The following TECPR2 variants were observed in gnomAD, a reference collection of about 807,000 sequenced individuals.
The protein encoded by TECPR2 is tectonin beta-propeller repeat containing 2.
A neutral mutation model predicts 138.1 loss-of-function variants in TECPR2; 65 were observed. The ratio of observed to expected loss-of-function variants is 0.47; its 90% confidence interval spans 0.39 to 0.58. The LOEUF (loss-of-function observed/expected upper bound fraction) is 0.58. Among genes scored for constraint, TECPR2 ranks in the 20% least tolerant of loss-of-function variants. The pLI is 0.00. For missense variants in TECPR2, 1,553 were observed against 1,824.5 expected, an observed-to-expected ratio of 0.85 and a Z score of 2.71; for synonymous variants, 746 against 749.8, an observed-to-expected ratio of 0.99 and a Z score of 0.08.
At chr14:102,396,291 C>T (rs918179771) in intron 2 of TECPR2, among the ~76,000 whole-genome samples, 4 of 151,990 alleles carry the variant, frequency 2.6e-5, no homozygotes, top group East Asian at 1.9e-4. Flanking sequence ...TTAGTAGAGA[C>T]GGAGTTTCGC....
chr14:102,406,158 T>C (rs1043754546), intron 2 of TECPR2, among the ~76,000 whole-genome samples: 2 of 152,198 alleles, frequency 1.3e-5, no homozygotes, highest in Admixed American at 6.5e-5. Context: ...ATGGTGATGA[T>C]TGAAGAGCAT....
chr14:102,394,948 C>T (rs565800445), intron 2 of TECPR2, among the ~76,000 whole-genome samples: 2 of 152,328 alleles, frequency 1.3e-5, no homozygotes, highest in South Asian at 4.1e-4. Flanking sequence ...GCCCCACTCC[C>T]TCCTTCCGCC....
At chr14:102,413,386 TA>T (rs748281107) in intron 4 of TECPR2, among the ~76,000 whole-genome samples, 21 of 148,986 alleles carry the variant, frequency 1.4e-4, no homozygotes, top group Non-Finnish European at 2.5e-4. Context: ...TGTATATATA[TA>T]TATATTTTTT....
rs745855266 is a variant in TECPR2, at chr14:102,438,213, TC to T, written c.2578+12del. ...TGGCAGTCTCGCCCTCAGGTTCGCC[TC>T]CCCGCTCCCTGCTCCCGCTCCCTGC... On this transcript the variant is annotated intron_variant, in intron 10 of 19. Coordinates refer to ENST00000359520, the MANE Select transcript of TECPR2 (RefSeq NM_014844.5). 40 of 1,596,274 alleles carry T rather than the reference TC, an allele frequency of 2.5e-5. No individual in the cohort carries two copies. Among genetic ancestry groups the T allele is most frequent in the African/African-American group, 4.0e-5 (3 of 74,556 alleles).
At position 102,476,591 on chromosome 14, in the gene TECPR2, A is replaced by T. The variant is rs116689556; in HGVS notation, c.3789+11302A>T. Among the ~76,000 whole-genome samples, 209 of 152,342 alleles carry T rather than the reference A, an allele frequency of 1.4e-3. 2 individuals are homozygous for T. The highest frequency in any genetic ancestry group is 4.9e-3 in the African/African-American group (204 of 41,570). On this transcript the variant is annotated intron_variant, in intron 17 of 19. Transcript: ENST00000359520. ...GAAAATGTTCAGAGAATCAGTGAGC[A>T]CAGACCCCTTCAAGTGGCCTCACGT...
At position 102,412,367 on chromosome 14, in the gene TECPR2, A is replaced by G. The variant is rs1276446368; in HGVS notation, c.481-2269A>G. Among the ~76,000 whole-genome samples, 3 of 152,248 alleles carry G rather than the reference A, an allele frequency of 2.0e-5. No homozygotes were observed. The East Asian group carries it at 5.8e-4, about 29-fold the overall frequency. On this transcript the variant is annotated intron_variant, in intron 4 of 19. Coordinates refer to ENST00000359520, the MANE Select transcript of TECPR2 (RefSeq NM_014844.5). ...AGGCTGGTCTTGAACATCTGGGCTC[A>G]AGCAATCTGCTCACCACAGTCTTCC...
At position 102,438,151 on chromosome 14, in the gene TECPR2, C is replaced by T. The variant is rs368111236; in HGVS notation, c.2524C>T (p.Leu842=). ...LFCSALPGAG[L]RWQKFEDAVQ... ...CTGCAGCGCGTTGCCGGGCGCCGGG[C>T]TGCGCTGGCAGAAGTTTGAAGATGC... The change falls in exon 10 of 20, where the codon CTG becomes TTG. Residue 842 remains leucine (L), a synonymous_variant. Coordinates refer to ENST00000359520, the MANE Select transcript of TECPR2 (RefSeq NM_014844.5). The T allele has an allele frequency of 6.2e-6, 10 of 1,613,520 alleles. No individual in the cohort carries two copies. In the African/African-American group the frequency reaches 1.2e-4, roughly 19 times the overall value.
At chr14:102,366,622 C>T (rs1938462866) in intron 1 of TECPR2, among the ~76,000 whole-genome samples, 1 of 152,244 alleles carries the variant, frequency 6.6e-6, no homozygotes, top group South Asian at 2.1e-4. Context: ...GCTGGGATTA[C>T]AGGCGTGAGC....
intron 17 of TECPR2, among the ~76,000 whole-genome samples, chr14:102,476,783 A>G (rs2139781702): frequency 6.6e-6 from 1 of 152,282 alleles, no homozygotes; most frequent in South Asian, 2.1e-4. Context: ...GGCCAGGTAC[A>G]GTGGCTCATG....
chr14:102,443,501 AT>A lies in TECPR2; in HGVS notation c.2753-144del, dbSNP rs1205528130. ...CCCCGTCTATATTTTTAATTAATTA[AT>A]TAATTAAAGTTTTTTTTTAAAGCAC... On this transcript the variant is annotated intron_variant, in intron 11 of 19. Coordinates refer to ENST00000359520, the MANE Select transcript of TECPR2 (RefSeq NM_014844.5). This position sits in a 1 kb window ranked among gnomAD's most constrained non-coding sequence, Gnocchi z 4.9. The A allele has an allele frequency of 1.5e-6, 1 of 678,864 alleles. No homozygotes were observed. The highest frequency in any genetic ancestry group is 1.9e-5 in the African/African-American group (1 of 53,662). The allele number at this position is 678,864 out of a possible 1,614,324, so 42.1% of individuals were successfully genotyped here.
chr14:102,427,531 T>C (rs1766251894), intron 6 of TECPR2, among the ~76,000 whole-genome samples: 1 of 152,144 alleles, frequency 6.6e-6, no homozygotes, highest in African/African-American at 2.4e-5. Context: ...CAGACTAGTC[T>C]CTTTATTTGC....
intron 4 of TECPR2, among the ~76,000 whole-genome samples, chr14:102,410,546 A>C (rs1363028088): frequency 2.0e-5 from 3 of 151,238 alleles, no homozygotes; most frequent in Non-Finnish European, 4.4e-5. Flanking sequence ...CTTAAAAAGG[A>C]CTGGACAATA....
Position 102,420,597 on chromosome 14 carries a change from C to T in TECPR2, c.639-4382C>T, listed in dbSNP as rs543696348. ...AGGCGATCCTCCTCCCTCAGCCTCC[C>T]GAGTAACTAGGACTACAGGCACGCA... On this transcript the variant is annotated intron_variant, in intron 5 of 19. Coordinates refer to ENST00000359520, the MANE Select transcript of TECPR2 (RefSeq NM_014844.5). The surrounding 1 kb of genome is among the most constrained non-coding windows in gnomAD (Gnocchi z 4.1). Among the ~76,000 whole-genome samples, 2 of 152,226 alleles carry T rather than the reference C, an allele frequency of 1.3e-5. No homozygotes were observed. The highest frequency in any genetic ancestry group is 4.8e-5 in the African/African-American group (2 of 41,536).
intron 3 of TECPR2, among the ~76,000 whole-genome samples, chr14:102,407,865 C>T (rs184025000): frequency 1.8e-4 from 28 of 151,932 alleles, no homozygotes; most frequent in East Asian, 1.4e-3. Flanking sequence ...GGTGTGGTGG[C>T]GGGTGCCTGT....
At chr14:102,413,504 A>G (rs968039372) in intron 4 of TECPR2, among the ~76,000 whole-genome samples, 1 of 151,644 alleles carries the variant, frequency 6.6e-6, no homozygotes, top group Non-Finnish European at 1.5e-5. Flanking sequence ...GCAGCCTCCC[A>G]AGTAGCTGGG....
At chr14:102,383,235 A>G (rs567333136) in intron 2 of TECPR2, among the ~76,000 whole-genome samples, 1 of 152,268 alleles carries the variant, frequency 6.6e-6, no homozygotes, top group South Asian at 2.1e-4. Context: ...TGACTTCTAC[A>G]GAGTAGTTTT....
chr14:102,453,372 C>T (rs1890196236), intron 16 of TECPR2, among the ~76,000 whole-genome samples: 1 of 151,442 alleles, frequency 6.6e-6, no homozygotes, highest in Non-Finnish European at 1.5e-5. Flanking sequence ...CTCAGCTACT[C>T]AGGAGGCTGA....
Position 102,438,103 on chromosome 14 carries a change from C to G in TECPR2, c.2476C>G (p.Leu826Val). 9.3e-6 allele frequency: 15 copies of G among 1,614,156 alleles called. No individual in the cohort carries two copies. Among genetic ancestry groups the G allele is most frequent in the Non-Finnish European group, 1.3e-5 (15 of 1,180,022 alleles). ...GGTCTCCGAGAAGTATATCTGGTGC[C>G]TGGACTACAAAGGCGGCCTGTTCTG... is the stretch of plus-strand genomic sequence containing the variant. ...LVVSEKYIWCLDYKGGLFCSA... is the reference protein window; with the variant it reads ...LVVSEKYIWCVDYKGGLFCSA... Residue 826 changes from leucine (L) to valine (V), a missense_variant, in exon 10 of 20, where the codon CTG (leucine) becomes GTG (valine). Transcript: ENST00000359520.
intron 17 of TECPR2, among the ~76,000 whole-genome samples, chr14:102,495,681 G>A (rs892192882): frequency 1.3e-5 from 2 of 152,222 alleles, no homozygotes; most frequent in African/African-American, 4.8e-5. Context: ...GTGATGTGCC[G>A]ACAAGAGCGG....
Sources: allele counts gnomAD v4.1 joint callset (sites outside exome capture counted in the v4.1 genomes callset), GRCh38; gene constraint gnomAD v4.1.1; non-coding constraint Gnocchi (gnomAD v3.1); transcripts MANE v1.5; gene names NCBI Gene and HGNC (gene_info 2026-07-23, HGNC 2026-07-21).